The following ZNF131 variants were observed in gnomAD, a reference collection of about 807,000 sequenced individuals.
ZNF131 encodes the protein zinc finger and BTB domain containing 35, also known as zinc finger protein 131.
ZNF131 carries 7 observed loss-of-function variants against 60.0 expected under a neutral mutation model. The observed-to-expected ratio is 0.12, with a 90% CI of 0.07 to 0.22. The LOEUF (loss-of-function observed/expected upper bound fraction) is 0.22. Ranked by LOEUF, ZNF131 falls within the 10% of genes least tolerant of loss-of-function variation. The probability of loss-of-function intolerance (pLI) is 1.00; values close to 1 mark genes in which losing one functional copy is unlikely to be tolerated. For missense variants in ZNF131, 493 were observed against 740.9 expected (o/e 0.67, Z 3.88); for synonymous variants, 257 against 253.2 (o/e 1.01, Z -0.14).
intron 3 of ZNF131, among the ~76,000 whole-genome samples, chr5:43,126,942 T>C (rs1744629684): frequency 6.6e-6 from 1 of 152,164 alleles, no homozygotes; most frequent in Admixed American, 6.6e-5. Context: ...CTGTCTTCAC[T>C]CACTGCACAG....
chr5:43,148,680 C>G (rs1747922463), intron 4 of ZNF131, among the ~76,000 whole-genome samples: 1 of 152,118 alleles, frequency 6.6e-6, no homozygotes, highest in South Asian at 2.1e-4. Context: ...AGTTTGCTGA[C>G]TCTTGCTTTA....
intron 5 of ZNF131, among the ~76,000 whole-genome samples, chr5:43,162,493 GAGGC>G (rs1409978805): frequency 6.6e-6 from 1 of 151,804 alleles, no homozygotes; most frequent in South Asian, 2.1e-4. Context: ...TCTGGAGGCT[GAGGC>G]AGGGGAATTG....
In ZNF131 at chr5:43,167,941, A is replaced by C. The variant is rs578067685; in HGVS notation, c.1055-5377A>C. ...TTTATTTCTTACAGTTCTGGATGCT[A>C]AGAAGTTCACTGTTATGAGGCCACA... On this transcript the variant is annotated intron_variant, in intron 5 of 6. Coordinates refer to ENST00000682664, the MANE Select transcript of ZNF131 (RefSeq NM_001330707.2). The C allele has an allele frequency of 6.6e-6, 3 of 452,684 alleles. No homozygotes were observed. The East Asian group carries it at 2.1e-4, about 32-fold the overall frequency. The allele number at this position is 452,684 out of a possible 1,614,324, so 28.0% of individuals were successfully genotyped here. A position where few individuals can be genotyped will look rare whatever the true frequency, so the allele number is the denominator to read the frequency against.
intron 3 of ZNF131, among the ~76,000 whole-genome samples, chr5:43,138,106 T>C (rs1482515874): frequency 2.0e-5 from 3 of 152,194 alleles, no homozygotes; most frequent in African/African-American, 7.2e-5. Context: ...AATGGGCAGT[T>C]ACTAATCAGT....
intron 4 of ZNF131, among the ~76,000 whole-genome samples, chr5:43,145,405 C>T (rs1342050597): frequency 1.3e-5 from 2 of 151,324 alleles, no homozygotes. Flanking sequence ...GTAATTCCAG[C>T]ACTTTGGGAG....
At chr5:43,158,901 A>G (rs1370799838) in intron 4 of ZNF131, among the ~76,000 whole-genome samples, 4 of 151,184 alleles carry the variant, frequency 2.6e-5, no homozygotes, top group Non-Finnish European at 2.9e-5. Context: ...GGCAAGAGCT[A>G]TGAGATTTTA....
chr5:43,166,139 A>G (rs1241193455), intron 5 of ZNF131, among the ~76,000 whole-genome samples: 1 of 152,112 alleles, frequency 6.6e-6, no homozygotes, highest in African/African-American at 2.4e-5. Flanking sequence ...TATCCAGGTT[A>G]CTCACTCTTT....
chr5:43,159,407 C>A (rs1749358656), intron 4 of ZNF131, among the ~76,000 whole-genome samples: 1 of 152,042 alleles, frequency 6.6e-6, no homozygotes, highest in Non-Finnish European at 1.5e-5. Context: ...GATATAAGAT[C>A]TTTAGGCTGG....
At position 43,122,329 on chromosome 5, in the gene ZNF131, T is replaced by G. The variant is rs1406358667; in HGVS notation, c.124+152T>G. On this transcript the variant is annotated intron_variant, in intron 2 of 6. Coordinates refer to ENST00000682664, the MANE Select transcript of ZNF131 (RefSeq NM_001330707.2). ...CAGAGTGTGTGCACTGGGACCAGAT[T>G]GCACTTGTCAGTGTCCACTCACACA... The G allele has an allele frequency of 3.0e-6, 3 of 986,642 alleles. No homozygotes were observed. The African/African-American group carries it at 5.0e-5, about 16-fold the overall frequency. 61.1% of individuals were successfully genotyped at this position (986,642 alleles called of 1,614,324 possible). A position where few individuals can be genotyped will look rare whatever the true frequency, so the allele number is the denominator to read the frequency against.
chr5:43,149,957 C>G (rs910147045), intron 4 of ZNF131, among the ~76,000 whole-genome samples: 1 of 152,164 alleles, frequency 6.6e-6, no homozygotes, highest in East Asian at 1.9e-4. Context: ...CTAACAGTTT[C>G]ATGGATGCCG....
At chr5:43,164,951 C>G (rs1164471629) in intron 5 of ZNF131, among the ~76,000 whole-genome samples, 1 of 152,102 alleles carries the variant, frequency 6.6e-6, no homozygotes, top group Non-Finnish European at 1.5e-5. Flanking sequence ...CTTCTCTCCT[C>G]TCCTCTCTCT....
chr5:43,162,592 A>T (rs1380340964), intron 5 of ZNF131, among the ~76,000 whole-genome samples: 2 of 94,810 alleles, frequency 2.1e-5, no homozygotes, highest in South Asian at 4.1e-4. Context: ...ACTCCATCTT[A>T]AAAAAAAAAA....
rs1229857974 is a variant in ZNF131 at position 43,141,268 on chromosome 5, G to A, written c.371+1959G>A. Among the ~76,000 whole-genome samples the A allele has an allele frequency of 2.0e-5, 3 of 152,128 alleles. No individual in the cohort carries two copies. In the East Asian group the frequency reaches 5.8e-4, roughly 29 times the overall value. ...TCAGTACTCTTGCAGAGAGACCTGA[G>A]CATGGATGTCAAAATAGAGATGCAT... On this transcript the variant is annotated intron_variant, in intron 4 of 6. Coordinates refer to ENST00000682664, the MANE Select transcript of ZNF131 (RefSeq NM_001330707.2).
chr5:43,176,193 T>C lies in ZNF131; in HGVS notation c.*1060T>C, dbSNP rs1301054564. 6.6e-6 allele frequency: 1 copy of C among 152,164 alleles called. No homozygotes were observed. The highest frequency in any genetic ancestry group is 6.6e-5 in the Admixed American group (1 of 15,256). The allele number at this position is 152,164 out of a possible 1,614,324, so 9.4% of individuals were successfully genotyped here. On this transcript the variant is annotated 3_prime_UTR_variant, in exon 7 of 7. Coordinates refer to ENST00000682664, the MANE Select transcript of ZNF131 (RefSeq NM_001330707.2). ...GCTAAACTGTGGACTTAAAAGTAGG[T>C]GTGTAAATATTTTTAATCAGTATTA...
chr5:43,144,374 G>A (rs1212369806), intron 4 of ZNF131, among the ~76,000 whole-genome samples: 10 of 146,972 alleles, frequency 6.8e-5, no homozygotes, highest in African/African-American at 5.0e-5. Context: ...GATTATAGGC[G>A]CTCACCACCA....
At chr5:43,167,022 A>C (rs1253665495) in intron 5 of ZNF131, among the ~76,000 whole-genome samples, 1 of 152,142 alleles carries the variant, frequency 6.6e-6, no homozygotes, top group African/African-American at 2.4e-5. Flanking sequence ...ATCTGATTTC[A>C]ATATTGTTGC....
At chr5:43,147,255 A>G (rs1334683773) in intron 4 of ZNF131, among the ~76,000 whole-genome samples, 2 of 152,014 alleles carry the variant, frequency 1.3e-5, no homozygotes, top group Admixed American at 6.6e-5. Context: ...TTATCTATTA[A>G]AATAATGCTA....
intron 3 of ZNF131, among the ~76,000 whole-genome samples, chr5:43,130,383 T>C (rs1345205113): frequency 6.6e-6 from 1 of 151,442 alleles, no homozygotes; most frequent in Non-Finnish European, 1.5e-5. Context: ...AAATAATGTA[T>C]ACATTTTGTG....
chr5:43,152,961 G>A (rs1748510373), intron 4 of ZNF131, among the ~76,000 whole-genome samples: 2 of 152,080 alleles, frequency 1.3e-5, no homozygotes, highest in African/African-American at 4.8e-5. Context: ...GTCGTAAGAT[G>A]TTTCTCTCCC....
Sources: gnomAD v4.1 joint callset for allele counts (sites outside exome capture counted in the v4.1 genomes callset) on GRCh38, gnomAD v4.1.1 for gene constraint, MANE v1.5 for transcripts, NCBI Gene and HGNC (gene_info 2026-07-23, HGNC 2026-07-21) for gene names.